Variants in ABCA6 observed in about 807,000 individuals in gnomAD.
ABCA6 encodes the protein ATP binding cassette subfamily A member 6.
ABCA6 carries 164 observed loss-of-function variants against 191.2 expected under a neutral mutation model. The ratio of observed to expected loss-of-function variants is 0.86; its 90% CI spans 0.76 to 0.98. The LOEUF is 0.98. Ranked by LOEUF, ABCA6 falls within the 50% of genes least tolerant of loss-of-function variation. The pLI is 0.00. For synonymous variants in ABCA6, 636 were observed against 647.7 expected (o/e 0.98, Z 0.27); for missense variants, 1,958 against 1,894.1 (o/e 1.03, Z -0.63).
At chr17:69,119,743 C>T (rs2073606653) in intron 10 of ABCA6, among the ~76,000 whole-genome samples, 3 of 152,046 alleles carry the variant, frequency 2.0e-5, no homozygotes, top group Non-Finnish European at 2.9e-5. Flanking sequence ...TACATATATA[C>T]ATGCACTCAC....
chr17:69,110,872 G>A lies in ABCA6; in HGVS notation c.2201C>T (p.Ala734Val). The change falls in exon 17 of 39, where the codon GCT (alanine) becomes GTT (valine). Residue 734 changes from alanine (A) to valine (V), a missense_variant. Transcript: ENST00000284425. ...TSFITHHIPDAKLKTENKEKL... is the reference protein window; with the variant it reads ...TSFITHHIPDVKLKTENKEKL... ...TTCTTTGTTTTCTGTTTTTAATTTAGCATCGGGGATGTGATGAGTAATGAA... is the reference window on the plus strand; with the variant it reads ...TTCTTTGTTTTCTGTTTTTAATTTAACATCGGGGATGTGATGAGTAATGAA... The A allele has an allele frequency of 6.2e-7, 1 of 1,611,862 alleles. No homozygotes were observed. Among genetic ancestry groups the A allele is most frequent in the Non-Finnish European group, 8.5e-7 (1 of 1,178,910 alleles).
intron 12 of ABCA6, 51 bp downstream of exon 12, chr17:69,115,325 C>A: frequency 1.5e-6 from 2 of 1,351,604 alleles, no homozygotes; most frequent in South Asian, 1.3e-5. Flanking sequence ...ATATGCTTGA[C>A]CTCATTCTAT....
At chr17:69,097,410 T>G (rs1598454279) in intron 23 of ABCA6, among the ~76,000 whole-genome samples, 1 of 149,630 alleles carries the variant, frequency 6.7e-6, no homozygotes, top group Non-Finnish European at 1.5e-5. Context: ...AAAAAAAAAG[T>G]ATTATTTTGT....
chr17:69,085,312 A>T, intron 31 of ABCA6, 130 bp from the exon 32 acceptor site: 3 of 870,910 alleles, frequency 3.4e-6, no homozygotes, highest in Non-Finnish European at 5.1e-6. Flanking sequence ...ATTACTTCAT[A>T]TATTTATTAC....
chr17:69,137,012 T>G (rs1465085358), intron 3 of ABCA6, among the ~76,000 whole-genome samples: 2 of 152,208 alleles, frequency 1.3e-5, no homozygotes, highest in Non-Finnish European at 2.9e-5. Context: ...AATTACTATA[T>G]TCCTTCTAGA....
At position 69,096,259 on chromosome 17, in the gene ABCA6, C is replaced by T; in HGVS notation, c.3389G>A (p.Trp1130Ter). The T allele has an allele frequency of 6.7e-7, 1 of 1,495,484 alleles. No individual in the cohort carries two copies. Among genetic ancestry groups the T allele is most frequent in the South Asian group, 1.4e-5 (1 of 73,556 alleles). 92.6% of individuals were successfully genotyped at this position (1,495,484 alleles called of 1,614,324 possible). ...ACTTACAAAAAAGAAGTAAAATGAC[C>T]AAAGGCCACTGTTTTTTCTCCTTTT... ...FRKRRKNSGL[W>*]SFYFFFASTI... Residue 1130 changes from tryptophan (W) to a stop codon, truncating the protein, a stop_gained, in exon 25 of 39, where the codon TGG (tryptophan) becomes TAG (stop). Coordinates refer to ENST00000284425, the MANE Select transcript of ABCA6 (RefSeq NM_080284.3). LOFTEE classifies it high-confidence loss of function.
chr17:69,118,185 G>A (rs549620033), intron 10 of ABCA6, among the ~76,000 whole-genome samples: 9 of 152,012 alleles, frequency 5.9e-5, no homozygotes, highest in Non-Finnish European at 7.4e-5. Flanking sequence ...CTAGTATTTT[G>A]CCTAGAAAAG....
intron 37 of ABCA6, 49 bp from the exon 38 acceptor site, chr17:69,079,314 T>G: frequency 6.9e-7 from 1 of 1,448,128 alleles, no homozygotes. Context: ...TACAATTTAT[T>G]ACCAAGAATT....
chr17:69,115,101 A>G (rs530126215), intron 12 of ABCA6, among the ~76,000 whole-genome samples, 164 bp from the exon 13 acceptor site: 7 of 152,256 alleles, frequency 4.6e-5, no homozygotes, highest in Non-Finnish European at 1.0e-4. Flanking sequence ...ATATATGTGA[A>G]CACAATTTGT....
In ABCA6 at chr17:69,084,329, TC is replaced by T; in HGVS notation, c.4286del (p.Gly1429GlufsTer15). Reference protein sequence around the residue: ...RKLCFVLSLLGNSPVLLLDEP... With the variant: ...RKLCFVLSLLXNSPVLLLDEP... Reference sequence around the variant, plus strand: ...CATCCAGGAGCAAGACAGGTGAGTTTCCCAGGAGGCTCAGCACAAAACACAA... The same window carrying T: ...CATCCAGGAGCAAGACAGGTGAGTTTCCAGGAGGCTCAGCACAAAACACAA... On this transcript the variant is annotated frameshift_variant, in exon 34 of 39. Coordinates refer to ENST00000284425, the MANE Select transcript of ABCA6 (RefSeq NM_080284.3). LOFTEE classifies it high-confidence loss of function. 6.2e-7 allele frequency: 1 copy of T among 1,614,186 alleles called. No homozygotes were observed. The highest frequency in any genetic ancestry group is 1.1e-5 in the South Asian group (1 of 91,082).
At chr17:69,089,856 TA>T (rs1218434531) in intron 26 of ABCA6, among the ~76,000 whole-genome samples, 1 of 152,218 alleles carries the variant, frequency 6.6e-6, no homozygotes, top group Non-Finnish European at 1.5e-5. Flanking sequence ...AATATGCTAT[TA>T]CTGAAAGCAT....
At chr17:69,139,733 G>C (rs1010599558) in intron 2 of ABCA6, among the ~76,000 whole-genome samples, 8 of 152,088 alleles carry the variant, frequency 5.3e-5, no homozygotes, top group African/African-American at 1.9e-4. Flanking sequence ...TTAAGAAAAT[G>C]TGACACATAT....
At chr17:69,126,761 C>T (rs186911638) in intron 8 of ABCA6, among the ~76,000 whole-genome samples, 42 of 152,184 alleles carry the variant, frequency 2.8e-4, no homozygotes, top group African/African-American at 8.7e-4. Flanking sequence ...TCGAACTGAT[C>T]GAATAATTCA....
chr17:69,133,893 A>T, intron 5 of ABCA6, 26 bp from the exon 6 acceptor site: 1 of 1,427,772 alleles, frequency 7.0e-7, no homozygotes, highest in Non-Finnish European at 9.6e-7. Flanking sequence ...AACAAACATA[A>T]TTATTATTTA....
Position 69,081,178 on chromosome 17 carries a change from A to G in ABCA6, c.4617-33T>C, listed in dbSNP as rs754842130. On this transcript the variant is annotated intron_variant, in intron 36 of 38. Coordinates refer to ENST00000284425, the MANE Select transcript of ABCA6 (RefSeq NM_080284.3). Reference sequence around the variant, plus strand: ...CAGGAAGATGTCGTTTTCAGCTCTGAGTTTCAAGGGGAGAAAATGAGCATC... The same window carrying G: ...CAGGAAGATGTCGTTTTCAGCTCTGGGTTTCAAGGGGAGAAAATGAGCATC... The G allele has an allele frequency of 2.5e-6, 3 of 1,195,676 alleles. No individual in the cohort carries two copies. The African/African-American group carries it at 4.6e-5, about 18-fold the overall frequency. The allele number at this position is 1,195,676 out of a possible 1,614,324, so 74.1% of individuals were successfully genotyped here.
In ABCA6 at chr17:69,078,866, A is replaced by T. The variant is rs1429641957; in HGVS notation, c.*107T>A. ...TATTTGTTAACTAAATTTACAAAAT[A>T]TACCTGATGTTAATTTTAAATGATC... On this transcript the variant is annotated 3_prime_UTR_variant, in exon 39 of 39. Transcript: ENST00000284425. The T allele has an allele frequency of 1.5e-6, 1 of 648,678 alleles. No individual in the cohort carries two copies. Among genetic ancestry groups the T allele is most frequent in the African/African-American group, 1.9e-5 (1 of 52,934 alleles). 40.2% of individuals were successfully genotyped at this position (648,678 alleles called of 1,614,324 possible).
intron 6 of ABCA6, among the ~76,000 whole-genome samples, chr17:69,132,657 T>C (rs574803619): frequency 2.6e-5 from 4 of 152,286 alleles, no homozygotes; most frequent in Non-Finnish European, 4.4e-5. Flanking sequence ...TTTTTGTATT[T>C]GTAGTAGAGA....
chr17:69,128,651 T>C lies in ABCA6; in HGVS notation c.1087A>G (p.Ser363Gly). Residue 363 changes from serine (S) to glycine (G), a missense_variant, in exon 8 of 39, where the codon AGC becomes GGC. Ser to Gly is a moderately conservative substitution (Grantham distance 56). Coordinates refer to ENST00000284425, the MANE Select transcript of ABCA6 (RefSeq NM_080284.3). The stretch of plus-strand genomic sequence containing the variant: ...ATTCCAGTAGTAAAGGCAAAAGGGC[T>C]ACAAATATTCAAAATCCACTCCAGA... ...SSLEWILNICSPFAFTTGMIQ... is the reference protein window; with the variant it reads ...SSLEWILNICGPFAFTTGMIQ... 1.2e-6 allele frequency: 2 copies of C among 1,613,202 alleles called. No homozygotes were observed. Among genetic ancestry groups the C allele is most frequent in the South Asian group, 2.2e-5 (2 of 90,966 alleles).
Position 69,091,209 on chromosome 17 carries a change from T to G in ABCA6, c.3462A>C (p.Ile1154=). The part of the protein sequence containing the change: ...ITLINHFDLS[I]LITTMVLVPS... Reference sequence around the variant, plus strand: ...GAACCAATACCATGGTGGTAATCAATATACTTAGGTCAAAATGATTGATTA... The same window carrying G: ...GAACCAATACCATGGTGGTAATCAAGATACTTAGGTCAAAATGATTGATTA... Residue 1154 remains isoleucine, a synonymous_variant, in exon 26 of 39, where the codon ATA becomes ATC. Transcript: ENST00000284425. 2 of 1,612,126 alleles carry G rather than the reference T, an allele frequency of 1.2e-6. No homozygotes were observed. Among genetic ancestry groups the G allele is most frequent in the Non-Finnish European group, 1.7e-6 (2 of 1,179,460 alleles).
Sources: allele counts gnomAD v4.1 joint callset (sites outside exome capture counted in the v4.1 genomes callset), GRCh38; gene constraint gnomAD v4.1.1; transcripts MANE v1.5; gene names NCBI Gene and HGNC (gene_info 2026-07-23, HGNC 2026-07-21).